Variants in AGO4 observed in about 807,000 individuals in gnomAD.
The protein encoded by AGO4 is protein argonaute-4.
AGO4 carries 33 observed loss-of-function variants against 104.7 expected under a neutral mutation model. The observed-to-expected ratio is 0.32, with a 90% confidence interval of 0.24 to 0.42. The LOEUF (loss-of-function observed/expected upper bound fraction) is 0.42, where lower values mean the gene tolerates loss of function less well. Among genes scored for constraint, AGO4 ranks in the 10% least tolerant of loss-of-function variants. The pLI, the probability that AGO4 is intolerant of heterozygous loss-of-function variation, is 1.00. For synonymous variants in AGO4, 331 were observed against 364.7 expected (o/e 0.91, Z 1.05); for missense variants, 711 against 1,083.4 (o/e 0.66, Z 4.83).
rs547662402 is a variant in AGO4 at position 35,825,832 on chromosome 1, T to C, written c.625+17T>C. The C allele has an allele frequency of 7.6e-6, 12 of 1,588,354 alleles. No individual in the cohort carries two copies. The Admixed American group carries it at 2.0e-4, about 26-fold the overall frequency. On this transcript the variant is annotated intron_variant, in intron 5 of 17. Coordinates refer to ENST00000373210, the MANE Select transcript of AGO4 (RefSeq NM_017629.4). ...ACATTGATGGTAGGATGGAACTCTC[T>C]TTATCCAATAACTCTTTGGGCTGGT...
At chr1:35,846,604 G>GATAT (rs72414122) in intron 15 of AGO4, among the ~76,000 whole-genome samples, 22 of 140,712 alleles carry the variant, frequency 1.6e-4, no homozygotes, top group African/African-American at 4.7e-4. Flanking sequence ...CTCAAAAAAA[G>GATAT]ATATATATAT....
At chr1:35,851,580 T>C (rs886990588) in intron 17 of AGO4, among the ~76,000 whole-genome samples, 1 of 152,238 alleles carries the variant, frequency 6.6e-6, no homozygotes, top group African/African-American at 2.4e-5. Flanking sequence ...CCTGAGCTAC[T>C]ATTAAATAGT....
At position 35,826,627 on chromosome 1, in the gene AGO4, C is replaced by A. The variant is rs904597223; in HGVS notation, c.761-121C>A. On this transcript the variant is annotated intron_variant, in intron 6 of 17. Coordinates refer to ENST00000373210, the MANE Select transcript of AGO4 (RefSeq NM_017629.4). ...TTTTGCCTATAACGATGAAATTGTCCCCATATTCTTGCAATTTTTATCCTG... is the reference window on the plus strand; with the variant it reads ...TTTTGCCTATAACGATGAAATTGTCACCATATTCTTGCAATTTTTATCCTG... 1.0e-5 allele frequency: 9 copies of A among 874,582 alleles called. No individual in the cohort carries two copies. In the Admixed American group the frequency reaches 1.8e-4, roughly 18 times the overall value. The allele number at this position is 874,582 out of a possible 1,614,324, so 54.2% of individuals were successfully genotyped here.
At position 35,841,284 on chromosome 1, in the gene AGO4, G is replaced by C; in HGVS notation, c.1844G>C (p.Ser615Thr). ...GTTGGCAGTATGGATGGCCACCCCAGCCGGTACTGTGCCACCGTTCGGGTG... is the reference window on the plus strand; with the variant it reads ...GTTGGCAGTATGGATGGCCACCCCACCCGGTACTGTGCCACCGTTCGGGTG... ...AVVGSMDGHP[S>T]RYCATVRVQT... Residue 615 changes from serine (S) to threonine (T), a missense_variant, in exon 14 of 18, where the codon AGC (serine) becomes ACC (threonine). By Grantham distance (58) the Ser-to-Thr change is moderately conservative (BLOSUM62 1). Around this residue, in one of 3 missense-constraint regions of AGO4, gnomAD observed 401 missense variants for 665.5 expected, o/e 0.60. Transcript: ENST00000373210. The surrounding 1 kb of genome is among the most constrained non-coding windows in gnomAD (Gnocchi z 4.7). 1 of 1,614,178 alleles carries C rather than the reference G, an allele frequency of 6.2e-7. No homozygotes were observed. The highest frequency in any genetic ancestry group is 8.5e-7 in the Non-Finnish European group (1 of 1,180,032).
At position 35,818,202 on chromosome 1, in the gene AGO4, G is replaced by GTATGTA. The variant is rs565870077; in HGVS notation, c.185+1165_185+1170dup. 3.0e-3 allele frequency among the ~76,000 whole-genome samples: 455 copies of GTATGTA among 152,150 alleles called. 3 individuals are homozygous for GTATGTA. The highest frequency in any genetic ancestry group is 0.01 in the African/African-American group (435 of 41,492). The stretch of plus-strand genomic sequence containing the variant: ...CATGCATATGTAGATATACACACAC[G>GTATGTA]TATGTATATGTATATACGTATGCAA... On this transcript the variant is annotated intron_variant, in intron 2 of 17. Transcript: ENST00000373210.
intron 15 of AGO4, among the ~76,000 whole-genome samples, chr1:35,846,853 T>C (rs1644584440): frequency 6.6e-6 from 1 of 151,920 alleles, no homozygotes; most frequent in African/African-American, 2.4e-5. Context: ...CTGCTGCAGA[T>C]ACCAAAATCC....
chr1:35,853,903 T>G lies in AGO4; in HGVS notation c.*298T>G, dbSNP rs1644763479. 9.0e-6 allele frequency: 2 copies of G among 221,814 alleles called. No individual in the cohort carries two copies. The highest frequency in any genetic ancestry group is 1.8e-5 in the Non-Finnish European group (2 of 111,688). 13.7% of individuals were successfully genotyped at this position (221,814 alleles called of 1,614,324 possible). ...TTTCTAAAGGACTTTACAAGAAGGG[T>G]TTCTATGGAATATTTTGCTAGCTGT... is the stretch of plus-strand genomic sequence containing the variant. On this transcript the variant is annotated 3_prime_UTR_variant, in exon 18 of 18. Coordinates refer to ENST00000373210, the MANE Select transcript of AGO4 (RefSeq NM_017629.4).
intron 3 of AGO4, 131 bp from the exon 4 acceptor site, chr1:35,825,181 TC>T (rs1203351964): frequency 1.1e-6 from 1 of 882,286 alleles, no homozygotes; most frequent in Non-Finnish European, 1.7e-6. Context: ...CTAAGTTGTT[TC>T]CAATGTTACA....
At chr1:35,853,261 A>G (rs1644749018) in intron 17 of AGO4, among the ~76,000 whole-genome samples, 1 of 151,850 alleles carries the variant, frequency 6.6e-6, no homozygotes, top group African/African-American at 2.4e-5. Flanking sequence ...AAAAAAAAAA[A>G]AAAAAAAGAA....
At chr1:35,825,032 C>T (rs960097294) in intron 3 of AGO4, among the ~76,000 whole-genome samples, 1 of 152,156 alleles carries the variant, frequency 6.6e-6, no homozygotes, top group African/African-American at 2.4e-5. Flanking sequence ...GAAATAGAAT[C>T]ATGAAATATT....
In AGO4 at chr1:35,841,699, G is replaced by A. The variant is rs1557575642; in HGVS notation, c.2124G>A (p.Val708=). The change falls in exon 15 of 18, where the codon GTG becomes GTA. Residue 708 remains valine, a synonymous_variant. Transcript: ENST00000373210. This position sits in a 1 kb window ranked among gnomAD's most constrained non-coding sequence, Gnocchi z 4.7. ...EDYRPGITYI[V]VQKRHHTRLF... is the part of the protein sequence containing the mutation. ...ACCGGCCAGGAATAACTTATATTGTGGTGCAAAAAAGACATCACACACGAC... is the reference window on the plus strand; with the variant it reads ...ACCGGCCAGGAATAACTTATATTGTAGTGCAAAAAAGACATCACACACGAC... The A allele has an allele frequency of 6.2e-7, 1 of 1,613,468 alleles. No homozygotes were observed. The highest frequency in any genetic ancestry group is 8.5e-7 in the Non-Finnish European group (1 of 1,179,828).
chr1:35,838,518 A>G (rs1207422069), intron 13 of AGO4, among the ~76,000 whole-genome samples: 1 of 152,192 alleles, frequency 6.6e-6, no homozygotes, highest in Non-Finnish European at 1.5e-5. Flanking sequence ...GAAAATGTTA[A>G]TAGGACTGAG....
intron 1 of AGO4, among the ~76,000 whole-genome samples, chr1:35,816,267 A>G (rs1281859566): frequency 2.0e-5 from 3 of 152,208 alleles, no homozygotes; most frequent in South Asian, 2.1e-4. Flanking sequence ...AAGTCTAGCT[A>G]TAGAGCTTTA....
intron 1 of AGO4, among the ~76,000 whole-genome samples, chr1:35,813,653 G>A (rs553051237): frequency 3.3e-5 from 5 of 151,662 alleles, no homozygotes; most frequent in African/African-American, 1.2e-4. Context: ...GGAGGCTGAG[G>A]TGGGAGGATC....
chr1:35,823,021 A>G, intron 3 of AGO4, 39 bp downstream of exon 3: 1 of 1,600,368 alleles, frequency 6.2e-7, no homozygotes, highest in Non-Finnish European at 8.5e-7. Flanking sequence ...TTCATTTAGT[A>G]GTAATTATAC....
intron 15 of AGO4, among the ~76,000 whole-genome samples, chr1:35,848,491 G>A (rs937982231): frequency 6.6e-6 from 1 of 152,072 alleles, no homozygotes; most frequent in African/African-American, 2.4e-5. Flanking sequence ...TAGTTCTCTT[G>A]ATGCCCCTGG....
intron 3 of AGO4, among the ~76,000 whole-genome samples, chr1:35,823,472 C>G (rs1389444324): frequency 6.6e-6 from 1 of 152,038 alleles, no homozygotes; most frequent in African/African-American, 2.4e-5. Flanking sequence ...GTTGCCCAGG[C>G]TGGAGTGCAG....
chr1:35,842,620 G>C (rs1334942399), intron 15 of AGO4, among the ~76,000 whole-genome samples: 1 of 152,126 alleles, frequency 6.6e-6, no homozygotes, highest in Non-Finnish European at 1.5e-5. Flanking sequence ...TGGCCAACAT[G>C]GTGAGACTCC....
chr1:35,818,662 G>GAAAGA (rs1643801868), intron 2 of AGO4, among the ~76,000 whole-genome samples: 1 of 123,580 alleles, frequency 8.1e-6, no homozygotes, highest in African/African-American at 3.4e-5. Flanking sequence ...AGAAAGAAAG[G>GAAAGA]AAGAAAGGAA....
Sources: allele counts gnomAD v4.1 joint callset (sites outside exome capture counted in the v4.1 genomes callset), GRCh38; gene constraint gnomAD v4.1.1; regional missense constraint gnomAD v4.1.1; non-coding constraint Gnocchi (gnomAD v3.1); transcripts MANE v1.5; gene names NCBI Gene and HGNC (gene_info 2026-07-23, HGNC 2026-07-21).